PPP2R2C: variants seen among roughly 807,000 people sequenced by gnomAD.
PPP2R2C encodes the protein protein phosphatase 2, regulatory subunit B, gamma.
In PPP2R2C, 10 loss-of-function variants were observed where a neutral mutation model predicts 45.3. That is an observed-to-expected ratio of 0.22 (90% CI 0.14 to 0.37). The LOEUF (loss-of-function observed/expected upper bound fraction) is 0.37. PPP2R2C is among the 10% of genes least tolerant of loss of function. The pLI is 1.00. For synonymous variants in PPP2R2C, 257 were observed against 245.4 expected, an observed-to-expected ratio of 1.05 and a Z score of -0.44; for missense variants, 308 against 619.7, an observed-to-expected ratio of 0.50 and a Z score of 5.34.
intron 1 of PPP2R2C, among the ~76,000 whole-genome samples, chr4:6,397,635 G>A (rs1717131200): frequency 6.6e-6 from 1 of 152,216 alleles, no homozygotes; most frequent in Non-Finnish European, 1.5e-5. Context: ...AGCCTGCCTA[G>A]AGGCTAAGGG....
intron 1 of PPP2R2C, among the ~76,000 whole-genome samples, chr4:6,547,908 G>A (rs1337407094): frequency 6.6e-6 from 1 of 152,106 alleles, no homozygotes; most frequent in Non-Finnish European, 1.5e-5. Context: ...TTTAACCATG[G>A]GGGAATTACA....
At chr4:6,560,446 G>T (rs1313473107) in intron 1 of PPP2R2C, among the ~76,000 whole-genome samples, 2 of 152,220 alleles carry the variant, frequency 1.3e-5, no homozygotes, top group African/African-American at 2.4e-5. Context: ...GGACTGAAAG[G>T]CTCTCCGCCA....
At chr4:6,424,762 T>A (rs1235148978) in intron 1 of PPP2R2C, among the ~76,000 whole-genome samples, 2 of 152,012 alleles carry the variant, frequency 1.3e-5, no homozygotes, top group Admixed American at 6.6e-5. Context: ...TGGGGGCAAA[T>A]CACCCTTCCC....
At chr4:6,370,431 C>T (rs1475755981) in intron 5 of PPP2R2C, among the ~76,000 whole-genome samples, 4 of 152,212 alleles carry the variant, frequency 2.6e-5, no homozygotes, top group African/African-American at 9.7e-5. Context: ...AGGAGACCGC[C>T]CCTCCCCCAC....
chr4:6,437,113 G>A (rs1719932029), intron 1 of PPP2R2C, among the ~76,000 whole-genome samples: 2 of 152,226 alleles, frequency 1.3e-5, no homozygotes, highest in Non-Finnish European at 1.5e-5. Flanking sequence ...CCTGATGCAT[G>A]GTTGGACTGT....
chr4:6,349,869 G>A (rs1295351402), intron 5 of PPP2R2C: 1 of 979,888 alleles, frequency 1.0e-6, no homozygotes, highest in Non-Finnish European at 1.2e-6. Context: ...CCAGCCTGGT[G>A]ACAGGGCAAG....
chr4:6,504,403 A>C (rs879782160), intron 2 of PPP2R2C, among the ~76,000 whole-genome samples: 1 of 152,210 alleles, frequency 6.6e-6, no homozygotes, highest in Admixed American at 6.5e-5. Context: ...ACTGCTCAAA[A>C]ATTCAGGGTA....
At chr4:6,367,080 T>C (rs934068426) in intron 5 of PPP2R2C, among the ~76,000 whole-genome samples, 1 of 151,906 alleles carries the variant, frequency 6.6e-6, no homozygotes, top group Non-Finnish European at 1.5e-5. Flanking sequence ...GGAGGGCTCC[T>C]CTTCCTTGAA....
intron 1 of PPP2R2C, among the ~76,000 whole-genome samples, chr4:6,547,602 C>T (rs1171153073): frequency 2.0e-5 from 3 of 152,072 alleles, no homozygotes; most frequent in African/African-American, 7.2e-5. Flanking sequence ...AATAGAGGGG[C>T]AGGAGAGAAG....
At chr4:6,549,272 C>T (rs991795716) in intron 1 of PPP2R2C, among the ~76,000 whole-genome samples, 1 of 152,126 alleles carries the variant, frequency 6.6e-6, no homozygotes, top group Admixed American at 6.5e-5. Context: ...CACCTCCACC[C>T]CCACCCTTCC....
intron 3 of PPP2R2C, among the ~76,000 whole-genome samples, chr4:6,377,233 C>T (rs1424162286): frequency 6.6e-6 from 1 of 152,208 alleles, no homozygotes; most frequent in East Asian, 1.9e-4. Context: ...GGTGCTTGTG[C>T]AGCGGTTACT....
intron 2 of PPP2R2C, among the ~76,000 whole-genome samples, chr4:6,512,711 T>C (rs1275377084): frequency 6.6e-6 from 1 of 151,576 alleles, no homozygotes; most frequent in African/African-American, 2.4e-5. Flanking sequence ...GTGAGAGTGT[T>C]GATAATTACA....
At chr4:6,365,446 G>GC in intron 5 of PPP2R2C, among the ~76,000 whole-genome samples, 1 of 152,146 alleles carries the variant, frequency 6.6e-6, no homozygotes, top group Non-Finnish European at 1.5e-5. Context: ...ACGGCACCAG[G>GC]CCCCATACTC....
rs61657951 is a variant in PPP2R2C at position 6,337,112 on chromosome 4, GTATATA to G, written c.791-3387_791-3382del. ...CATCTTTGTTTCTGTATGTGTGTGTGTATATATATATATATATATATATATATATAT... is the reference window on the plus strand; with the variant it reads ...CATCTTTGTTTCTGTATGTGTGTGTGTATATATATATATATATATATATAT... On this transcript the variant is annotated intron_variant, in intron 6 of 8. Coordinates refer to ENST00000382599, the MANE Select transcript of PPP2R2C (RefSeq NM_020416.4). Among the ~76,000 whole-genome samples, 230 of 30,078 alleles carry G rather than the reference GTATATA, an allele frequency of 7.6e-3. 5 individuals are homozygous for G. Among genetic ancestry groups the G allele is most frequent in the East Asian group, 0.075 (31 of 412 alleles). 19.7% of individuals were successfully genotyped at this position (30,078 alleles called of 152,430 possible).
chr4:6,402,915 G>C (rs1717512745), intron 1 of PPP2R2C, among the ~76,000 whole-genome samples: 1 of 152,228 alleles, frequency 6.6e-6, no homozygotes, highest in African/African-American at 2.4e-5. Flanking sequence ...GGCCTCAACT[G>C]CCCGCCCTCT....
At chr4:6,392,015 C>T (rs957616694) in intron 1 of PPP2R2C, among the ~76,000 whole-genome samples, 3 of 152,200 alleles carry the variant, frequency 2.0e-5, no homozygotes, top group Admixed American at 6.5e-5. Flanking sequence ...ACAGGAAATA[C>T]ACTTAGTCAT....
At chr4:6,446,528 G>A (rs1720429007) in intron 1 of PPP2R2C, among the ~76,000 whole-genome samples, 1 of 152,132 alleles carries the variant, frequency 6.6e-6, no homozygotes, top group East Asian at 1.9e-4. Flanking sequence ...TCTCAAGGTG[G>A]CATAAAAATC....
intron 1 of PPP2R2C, chr4:6,421,119 G>T (rs1718931679): frequency 1.0e-6 from 1 of 985,094 alleles, no homozygotes; most frequent in Non-Finnish European, 1.2e-6. Context: ...CAAAACACAT[G>T]CAGGTATGAG....
intron 5 of PPP2R2C, among the ~76,000 whole-genome samples, chr4:6,352,010 TG>T (rs1450252806): frequency 6.6e-6 from 1 of 152,198 alleles, no homozygotes; most frequent in African/African-American, 2.4e-5. Flanking sequence ...GATGGACTCC[TG>T]ACAAGGGAAG....
Sources: gnomAD v4.1 joint callset for allele counts (sites outside exome capture counted in the v4.1 genomes callset) on GRCh38, gnomAD v4.1.1 for gene constraint, MANE v1.5 for transcripts, NCBI Gene and HGNC (gene_info 2026-07-23, HGNC 2026-07-21) for gene names.